Variants in NFIA observed in about 807,000 individuals in gnomAD.
NFIA encodes the protein nuclear factor 1 A-type.
Under a neutral mutation model 62.8 loss-of-function variants are expected in NFIA, and 8 were observed. That is an observed-to-expected ratio of 0.13 (90% CI 0.07 to 0.23). NFIA has a LOEUF of 0.23. NFIA is among the 10% of genes least tolerant of loss of function. NFIA has a pLI of 1.00. For missense variants in NFIA, 410 were observed against 642.1 expected (o/e 0.64, Z 3.91); for synonymous variants, 235 against 238.1 (o/e 0.99, Z 0.12).
At chr1:61,113,354 T>C (rs1570179042) in intron 2 of NFIA, among the ~76,000 whole-genome samples, 1 of 151,838 alleles carries the variant, frequency 6.6e-6, no homozygotes, top group South Asian at 2.1e-4. Flanking sequence ...GCACTTTGGG[T>C]GGCCAAGGCA....
intron 3 of NFIA, among the ~76,000 whole-genome samples, chr1:61,313,974 C>G (rs867991929): frequency 6.6e-6 from 1 of 152,160 alleles, no homozygotes; most frequent in Admixed American, 6.5e-5. Flanking sequence ...TACCTCATAA[C>G]ACTTTGAAAA....
intron 6 of NFIA, among the ~76,000 whole-genome samples, chr1:61,375,865 G>A (rs1343834621): frequency 1.3e-5 from 2 of 152,034 alleles, no homozygotes; most frequent in Admixed American, 1.3e-4. Context: ...CATGGAAGTT[G>A]ACTACACCAT....
chr1:61,444,083 A>G (rs560547865), intron 10 of NFIA, among the ~76,000 whole-genome samples: 2 of 152,356 alleles, frequency 1.3e-5, no homozygotes, highest in South Asian at 4.1e-4. Flanking sequence ...TCTTCAAGGC[A>G]GAAAAACCAT....
At chr1:61,354,571 T>C (rs535100570) in intron 5 of NFIA, among the ~76,000 whole-genome samples, 1 of 152,304 alleles carries the variant, frequency 6.6e-6, no homozygotes, top group Non-Finnish European at 1.5e-5. Context: ...AGAAGTTAAG[T>C]AACTTGCCCA....
intron 2 of NFIA, among the ~76,000 whole-genome samples, chr1:61,128,929 T>TTG (rs1306672692): frequency 2.2e-5 from 3 of 133,812 alleles, no homozygotes; most frequent in Admixed American, 7.7e-5. Context: ...TTTTTTTTTT[T>TTG]TTTTTTTTTT....
rs1006567355 is a variant in NFIA, at chr1:61,317,548, A to G, written c.626-14964A>G. Among the ~76,000 whole-genome samples the G allele has an allele frequency of 2.0e-5, 3 of 152,128 alleles. No individual in the cohort carries two copies. In the South Asian group the frequency reaches 6.2e-4, roughly 32 times the overall value. ...TAGAGACTAAGTACTGTTATTTCTC[A>G]CTTTTTGTAGAAAAATCAAAAAATT... On this transcript the variant is annotated intron_variant, in intron 3 of 10. Transcript: ENST00000403491.
At chr1:61,102,452 ATC>A (rs1646527519) in intron 2 of NFIA, among the ~76,000 whole-genome samples, 2 of 152,024 alleles carry the variant, frequency 1.3e-5, no homozygotes, top group South Asian at 2.1e-4. Context: ...AAATTTGAAA[ATC>A]TCTCTGTTTT....
At chr1:61,344,021 A>T (rs182324993) in intron 4 of NFIA, among the ~76,000 whole-genome samples, 1 of 152,362 alleles carries the variant, frequency 6.6e-6, no homozygotes, top group East Asian at 1.9e-4. Flanking sequence ...CAGAGAGCAC[A>T]AATTGATAAA....
At chr1:61,311,065 T>C (rs1185461124) in intron 3 of NFIA, among the ~76,000 whole-genome samples, 3 of 152,132 alleles carry the variant, frequency 2.0e-5, no homozygotes, top group African/African-American at 7.2e-5. Flanking sequence ...TAGTTAGTAT[T>C]GCATCGCGTT....
intron 3 of NFIA, among the ~76,000 whole-genome samples, chr1:61,287,030 T>C (rs757939785): frequency 6.6e-6 from 1 of 152,184 alleles, no homozygotes; most frequent in Non-Finnish European, 1.5e-5. Context: ...GCAAATCATA[T>C]TGGATCTTGT....
At position 61,352,307 on chromosome 1, in the gene NFIA, G is replaced by A. The variant is rs1570624232; in HGVS notation, c.701-143G>A. On this transcript the variant is annotated intron_variant, in intron 4 of 10. Coordinates refer to ENST00000403491, the MANE Select transcript of NFIA (RefSeq NM_001134673.4). The stretch of plus-strand genomic sequence containing the variant: ...TATTTTTAGTCAATATTCCTTTGGA[G>A]TCATAGTTTATTACTGATTATTTTC... 10 of 604,844 alleles carry A rather than the reference G, an allele frequency of 1.7e-5. No homozygotes were observed. In the South Asian group the frequency reaches 2.1e-4, roughly 13 times the overall value. 37.5% of individuals were successfully genotyped at this position (604,844 alleles called of 1,614,324 possible).
chr1:61,275,863 T>G (rs954425989), intron 2 of NFIA, among the ~76,000 whole-genome samples: 1 of 152,134 alleles, frequency 6.6e-6, no homozygotes, highest in Non-Finnish European at 1.5e-5. Flanking sequence ...GCTGTATTTT[T>G]TAATTGTTTG....
In NFIA at chr1:61,457,405, C is replaced by A. The variant is rs1668356103; in HGVS notation, c.*2085C>A. 1.3e-5 allele frequency: 2 copies of A among 152,112 alleles called. No individual in the cohort carries two copies. The highest frequency in any genetic ancestry group is 4.8e-5 in the African/African-American group (2 of 41,416). The allele number at this position is 152,112 out of a possible 1,614,324, so 9.4% of individuals were successfully genotyped here. A position where few individuals can be genotyped will look rare whatever the true frequency, so the allele number is the denominator to read the frequency against. On this transcript the variant is annotated 3_prime_UTR_variant, in exon 11 of 11. Transcript: ENST00000403491. The surrounding 1 kb of genome is among the most constrained non-coding windows in gnomAD (Gnocchi z 4.2). ...CCATCGTCAGTTTCAACATCTAGAACTAAATAGAAAGCTAGTTGTTCCGCA... is the reference window on the plus strand; with the variant it reads ...CCATCGTCAGTTTCAACATCTAGAAATAAATAGAAAGCTAGTTGTTCCGCA...
At chr1:61,108,393 C>G (rs1272821492) in intron 2 of NFIA, among the ~76,000 whole-genome samples, 2 of 151,538 alleles carry the variant, frequency 1.3e-5, no homozygotes, top group Non-Finnish European at 3.0e-5. Flanking sequence ...GTTTTTAACT[C>G]TAATTTCTAG....
chr1:61,401,808 A>G (rs1665568818), intron 7 of NFIA, among the ~76,000 whole-genome samples: 3 of 152,200 alleles, frequency 2.0e-5, no homozygotes, highest in South Asian at 4.1e-4. Flanking sequence ...TGACTATTCC[A>G]TCAGACGCAG....
chr1:61,162,803 A>T (rs973345043), intron 2 of NFIA, among the ~76,000 whole-genome samples: 7 of 151,482 alleles, frequency 4.6e-5, no homozygotes, highest in African/African-American at 1.7e-4. Context: ...CATAATCCAT[A>T]AAACTCTTTC....
chr1:61,370,102 A>G (rs1050922746), intron 6 of NFIA, among the ~76,000 whole-genome samples: 3 of 152,236 alleles, frequency 2.0e-5, no homozygotes, highest in Non-Finnish European at 2.9e-5. Flanking sequence ...CCAGAAGTCA[A>G]TCAATAGTGT....
rs186470423 is a variant in NFIA at position 61,334,720 on chromosome 1, C to T, written c.700+2134C>T. 4.5e-3 allele frequency among the ~76,000 whole-genome samples: 687 copies of T among 151,206 alleles called. 7 individuals carry two copies. The highest frequency in any genetic ancestry group is 0.015 in the African/African-American group (631 of 41,132). On this transcript the variant is annotated intron_variant, in intron 4 of 10. Coordinates refer to ENST00000403491, the MANE Select transcript of NFIA (RefSeq NM_001134673.4). ...AGAGTGAAATGAAAATCCTTTTAAG[C>T]GTAAGATTGGAGCACTAGCCATTTT...
intron 9 of NFIA, among the ~76,000 whole-genome samples, chr1:61,408,450 G>A (rs1665951121): frequency 6.6e-6 from 1 of 152,188 alleles, no homozygotes; most frequent in African/African-American, 2.4e-5. Context: ...ACTTACATCT[G>A]TTCCTTGAGG....
Sources: allele counts gnomAD v4.1 joint callset (sites outside exome capture counted in the v4.1 genomes callset), GRCh38; gene constraint gnomAD v4.1.1; non-coding constraint Gnocchi (gnomAD v3.1); transcripts MANE v1.5; gene names NCBI Gene and HGNC (gene_info 2026-07-23, HGNC 2026-07-21).